Variants in DDX31 observed in about 807,000 individuals in gnomAD.
DDX31 encodes DEAD-box helicase 31, also known as ATP-dependent DNA helicase DDX31.
A neutral mutation model predicts 91.3 loss-of-function variants in DDX31; 70 were observed. That is an observed-to-expected ratio of 0.77 (90% CI 0.63 to 0.94). The LOEUF is 0.94. DDX31 is among the 40% of genes least tolerant of loss of function. DDX31 has a pLI of 0.00. For synonymous variants in DDX31, 362 were observed against 350.6 expected (o/e 1.03, Z -0.36); for missense variants, 902 against 925.0 (o/e 0.98, Z 0.32).
At chr9:132,639,646 A>C (rs781209252) in intron 14 of DDX31, among the ~76,000 whole-genome samples, 24 of 152,216 alleles carry the variant, frequency 1.6e-4, no homozygotes, top group Non-Finnish European at 2.9e-4. Context: ...CAGAAAGAAT[A>C]ATCTTTTCTT....
intron 11 of DDX31, among the ~76,000 whole-genome samples, 191 bp from the exon 12 acceptor site, chr9:132,647,249 C>T (rs1268511884): frequency 2.6e-5 from 4 of 152,186 alleles, no homozygotes; most frequent in Non-Finnish European, 1.5e-5. Flanking sequence ...ACCAACGTAT[C>T]TTTCCATAGC....
chr9:132,619,217 C>T (rs1251479269), intron 17 of DDX31, among the ~76,000 whole-genome samples: 2 of 152,194 alleles, frequency 1.3e-5, no homozygotes, highest in Non-Finnish European at 2.9e-5. Context: ...TAAATATCCC[C>T]GCTAAAAACT....
intron 14 of DDX31, among the ~76,000 whole-genome samples, chr9:132,637,231 A>G (rs1833176910): frequency 6.6e-6 from 1 of 152,194 alleles, no homozygotes; most frequent in Admixed American, 6.5e-5. Flanking sequence ...TCAGATCAAC[A>G]GGAGATCATG....
At chr9:132,661,164 C>A (rs1834909476) in intron 4 of DDX31, 44 bp downstream of exon 4, 5 of 1,565,682 alleles carry the variant, frequency 3.2e-6, no homozygotes, top group Non-Finnish European at 4.4e-6. Flanking sequence ...TCCGGTTATA[C>A]CCACGTAATG....
chr9:132,611,439 T>C (rs970945502), intron 19 of DDX31, among the ~76,000 whole-genome samples: 9 of 152,060 alleles, frequency 5.9e-5, no homozygotes, highest in Admixed American at 1.3e-4. Flanking sequence ...CTTTTACAAA[T>C]GTAGCATGCT....
chr9:132,653,171 T>A (rs745367690), intron 6 of DDX31, among the ~76,000 whole-genome samples: 6 of 151,356 alleles, frequency 4.0e-5, no homozygotes, highest in Non-Finnish European at 7.4e-5. Flanking sequence ...AAGATAATTT[T>A]GTCAAGCAGC....
chr9:132,650,355 A>T, intron 8 of DDX31, 57 bp from the exon 9 acceptor site: 1 of 1,524,704 alleles, frequency 6.6e-7, no homozygotes, highest in Non-Finnish European at 9.1e-7. Context: ...AACATCAGAC[A>T]TTGATTCCAA....
chr9:132,627,446 T>C (rs1014467234), intron 16 of DDX31, among the ~76,000 whole-genome samples: 4 of 152,198 alleles, frequency 2.6e-5, no homozygotes, highest in Non-Finnish European at 5.9e-5. Flanking sequence ...TGATTATTTA[T>C]GGGTCCATCA....
chr9:132,618,421 G>A lies in DDX31; in HGVS notation c.1734C>T (p.Pro578=), dbSNP rs754601045. Residue 578 remains proline, a synonymous_variant, in exon 18 of 20, where the codon CCC becomes CCT. Transcript: ENST00000372159. ...WGAQKSHAVG[P]QEIRERATVL... ...CTGTGGCTCGCTCTCGGATTTCCTG[G>A]GGGCCAACAGCATGGGATTTCTGAG... 8 of 1,611,506 alleles carry A rather than the reference G, an allele frequency of 5.0e-6. No individual in the cohort carries two copies. The highest frequency in any genetic ancestry group is 3.4e-5 in the Admixed American group (2 of 59,558).
chr9:132,617,654 T>C (rs191184726), intron 18 of DDX31, among the ~76,000 whole-genome samples: 1 of 152,276 alleles, frequency 6.6e-6, no homozygotes, highest in Admixed American at 6.5e-5. Flanking sequence ...TAAGTCTCAT[T>C]AGACATGGTC....
intron 16 of DDX31, among the ~76,000 whole-genome samples, chr9:132,629,095 C>A (rs1361831779): frequency 6.6e-6 from 1 of 152,256 alleles, no homozygotes; most frequent in African/African-American, 2.4e-5. Context: ...CAGCCTCCAG[C>A]TGAGGGAGCT....
intron 13 of DDX31, 83 bp downstream of exon 13, chr9:132,645,812 G>A: frequency 1.4e-6 from 2 of 1,451,852 alleles, no homozygotes; most frequent in Non-Finnish European, 1.8e-6. Flanking sequence ...TGAGCCTAAA[G>A]ACCAGGTTTG....
chr9:132,631,993 A>G, intron 15 of DDX31, 48 bp downstream of exon 15: 4 of 1,542,652 alleles, frequency 2.6e-6, no homozygotes, highest in Non-Finnish European at 3.6e-6. Context: ...TCTACTCATG[A>G]TCATATATTC....
At position 132,658,724 on chromosome 9, in the gene DDX31, C is replaced by T. The variant is rs959079670; in HGVS notation, c.535G>A (p.Ala179Thr). The T allele has an allele frequency of 8.7e-6, 14 of 1,613,328 alleles. No homozygotes were observed. Among genetic ancestry groups the T allele is most frequent in the African/African-American group, 1.3e-5 (1 of 74,776 alleles). Residue 179 changes from alanine to threonine, a missense_variant, in exon 6 of 20, where the codon GCC becomes ACC. Ala to Thr is a moderately conservative substitution (Grantham distance 58, BLOSUM62 0). Coordinates refer to ENST00000372159, the MANE Select transcript of DDX31 (RefSeq NM_022779.9). The stretch of plus-strand genomic sequence containing the variant: ...GACTGGACCACAGGGATGCAATAGG[C>T]AAGAGTTTTACCTTTCAAAAAAAAA... ...RSQTGSGKTL[A>T]YCIPVVQSLQ...
chr9:132,638,330 G>C (rs767877776), intron 14 of DDX31: 1 of 1,614,012 alleles, frequency 6.2e-7, no homozygotes, highest in Non-Finnish European at 8.5e-7. Context: ...TTAAAAGCAA[G>C]GTTCCTTTCC....
intron 17 of DDX31, among the ~76,000 whole-genome samples, chr9:132,619,946 CCT>C (rs929089376): frequency 3.3e-5 from 5 of 151,524 alleles, no homozygotes; most frequent in East Asian, 1.9e-4. Context: ...CGGACAGAAT[CCT>C]CTGTTATTAA....
intron 17 of DDX31, among the ~76,000 whole-genome samples, chr9:132,620,466 G>A (rs1235912856): frequency 1.3e-5 from 2 of 149,262 alleles, no homozygotes; most frequent in African/African-American, 4.9e-5. Context: ...GTGTATACAA[G>A]CGAAATACGT....
intron 17 of DDX31, among the ~76,000 whole-genome samples, chr9:132,621,471 C>T (rs992533806): frequency 6.6e-6 from 1 of 152,130 alleles, no homozygotes; most frequent in Admixed American, 6.5e-5. Context: ...ATGAAATATA[C>T]ATTTTACAGA....
intron 17 of DDX31, among the ~76,000 whole-genome samples, chr9:132,623,428 C>A (rs543817998): frequency 6.6e-6 from 1 of 150,532 alleles, no homozygotes; most frequent in African/African-American, 2.4e-5. Flanking sequence ...TGGTGGCATG[C>A]GCCTGTATTC....
Sources: allele counts gnomAD v4.1 joint callset (sites outside exome capture counted in the v4.1 genomes callset), GRCh38; gene constraint gnomAD v4.1.1; transcripts MANE v1.5; gene names NCBI Gene and HGNC (gene_info 2026-07-23, HGNC 2026-07-21).